The following AUTS2 variants were observed in gnomAD, a reference collection of about 807,000 sequenced individuals.
AUTS2 encodes the protein activator of transcription and developmental regulator AUTS2.
AUTS2 carries 17 observed loss-of-function variants against 112.4 expected under a neutral mutation model. The ratio of observed to expected loss-of-function variants is 0.15; its 90% CI spans 0.10 to 0.23. AUTS2 has a LOEUF of 0.23. Ranked by LOEUF, AUTS2 falls within the 10% of genes least tolerant of loss-of-function variation. The pLI is 1.00. For synonymous variants in AUTS2, 751 were observed against 702.7 expected (o/e 1.07, Z -1.09); for missense variants, 1,510 against 1,701.6 (o/e 0.89, Z 1.98).
chr7:69,661,363 C>T (rs1366369771), intron 1 of AUTS2, among the ~76,000 whole-genome samples: 1 of 152,188 alleles, frequency 6.6e-6, no homozygotes. Context: ...AAAGTTTGTC[C>T]TGTCCACAGT....
At chr7:70,319,926 A>G (rs1450692980) in intron 4 of AUTS2, among the ~76,000 whole-genome samples, 2 of 152,230 alleles carry the variant, frequency 1.3e-5, no homozygotes, top group African/African-American at 4.8e-5. Context: ...GTGAATGAAC[A>G]AAACAAAATT....
chr7:70,789,704 C>G lies in AUTS2; in HGVS notation c.2532-44C>G, dbSNP rs746576289. ...CAGCCCCTGGCCCGGCCGACTCGCC[C>G]CTTTCATTTCATCTGCGTCCTTGTC... On this transcript the variant is annotated intron_variant, in intron 18 of 18. Transcript: ENST00000342771. 2.5e-6 allele frequency: 4 copies of G among 1,583,266 alleles called. No individual in the cohort carries two copies. In the Admixed American group the frequency reaches 6.9e-5, roughly 27 times the overall value.
At chr7:70,715,351 A>G (rs755170945) in intron 6 of AUTS2, among the ~76,000 whole-genome samples, 1 of 152,174 alleles carries the variant, frequency 6.6e-6, no homozygotes, top group African/African-American at 2.4e-5. Context: ...TGCAAGAACA[A>G]CATCGTCAAA....
At chr7:69,622,641 C>T (rs570232772) in intron 1 of AUTS2, among the ~76,000 whole-genome samples, 1 of 152,236 alleles carries the variant, frequency 6.6e-6, no homozygotes, top group East Asian at 1.9e-4. Flanking sequence ...CCCATGTGGC[C>T]ACAGATAATT....
intron 4 of AUTS2, among the ~76,000 whole-genome samples, chr7:70,194,191 C>T (rs868827119): frequency 5.3e-5 from 8 of 152,076 alleles, no homozygotes; most frequent in African/African-American, 1.9e-4. Flanking sequence ...GGGTAGATCT[C>T]TTTAGGTCAG....
intron 4 of AUTS2, among the ~76,000 whole-genome samples, chr7:70,410,968 A>G (rs954365233): frequency 1.3e-5 from 2 of 151,574 alleles, no homozygotes; most frequent in African/African-American, 4.9e-5. Flanking sequence ...GGTTCAAGTG[A>G]TTTTCCTGCC....
At chr7:69,812,801 C>G (rs113333771) in intron 1 of AUTS2, among the ~76,000 whole-genome samples, 1 of 152,092 alleles carries the variant, frequency 6.6e-6, no homozygotes, top group Non-Finnish European at 1.5e-5. Context: ...TGACACTGAA[C>G]AGAACCCAGC....
chr7:70,768,078 A>G lies in AUTS2; in HGVS notation c.1734+10A>G, dbSNP rs1360949656. On this transcript the variant is annotated intron_variant, in intron 10 of 18. Coordinates refer to ENST00000342771, the MANE Select transcript of AUTS2 (RefSeq NM_015570.4). ...ATTCTACCGGCACAGTGTGAGTTTC[A>G]TTACCATGCTACACATTGAATGTAA... The G allele has an allele frequency of 1.9e-6, 3 of 1,601,446 alleles. No individual in the cohort carries two copies. The highest frequency in any genetic ancestry group is 2.7e-5 in the African/African-American group (2 of 74,166).
chr7:70,726,343 TAA>T (rs34064102), intron 6 of AUTS2, among the ~76,000 whole-genome samples: 72 of 148,388 alleles, frequency 4.9e-4, no homozygotes, highest in African/African-American at 1.7e-3. Context: ...TGGCATTTCT[TAA>T]AAAAAAAAAA....
chr7:70,093,461 C>T (rs1446126344), intron 2 of AUTS2, among the ~76,000 whole-genome samples: 1 of 152,214 alleles, frequency 6.6e-6, no homozygotes, highest in African/African-American at 2.4e-5. Context: ...GGATGATTCA[C>T]TTGTCTGACT....
At chr7:69,692,881 T>G (rs1447023192) in intron 1 of AUTS2, among the ~76,000 whole-genome samples, 1 of 152,220 alleles carries the variant, frequency 6.6e-6, no homozygotes, top group Non-Finnish European at 1.5e-5. Context: ...CTGAAACCCC[T>G]CTAGGTTCCA....
intron 1 of AUTS2, among the ~76,000 whole-genome samples, chr7:69,616,103 A>G (rs147726363): frequency 4.6e-4 from 70 of 152,310 alleles, no homozygotes; most frequent in African/African-American, 1.6e-3. Context: ...CCTCTATCAC[A>G]GTATTGCAGC....
At chr7:70,314,845 T>C (rs1263666243) in intron 4 of AUTS2, among the ~76,000 whole-genome samples, 2 of 152,244 alleles carry the variant, frequency 1.3e-5, no homozygotes, top group African/African-American at 4.8e-5. Flanking sequence ...CTCCATGGTT[T>C]TGTCACATCA....
chr7:70,136,035 G>A (rs1410757785), intron 4 of AUTS2, among the ~76,000 whole-genome samples: 1 of 151,926 alleles, frequency 6.6e-6, no homozygotes, highest in Non-Finnish European at 1.5e-5. Flanking sequence ...TTGTCAGTAG[G>A]ATCACCCTGA....
At chr7:69,953,366 G>A (rs1797098374) in intron 2 of AUTS2, among the ~76,000 whole-genome samples, 1 of 152,096 alleles carries the variant, frequency 6.6e-6, no homozygotes, top group Non-Finnish European at 1.5e-5. Context: ...TCTGAATTTA[G>A]TATGATTTTT....
intron 1 of AUTS2, among the ~76,000 whole-genome samples, chr7:69,866,248 CCTGGTGATTAAGT>C (rs1793226834): frequency 6.6e-6 from 1 of 152,174 alleles, no homozygotes; most frequent in Non-Finnish European, 1.5e-5. Context: ...ACCTCCCAGT[CCTGGTGATTAAGT>C]AGTTCCCTCC....
At chr7:69,713,414 C>T (rs977161378) in intron 1 of AUTS2, among the ~76,000 whole-genome samples, 1 of 151,924 alleles carries the variant, frequency 6.6e-6, no homozygotes, top group African/African-American at 2.4e-5. Context: ...TTATGTTCCC[C>T]TGCTTTCCCT....
intron 1 of AUTS2, among the ~76,000 whole-genome samples, chr7:69,623,381 A>ATTTT (rs56204810): frequency 0.08 from 5,729 of 71,676 alleles, 532 homozygotes; most frequent in South Asian, 0.12. Context: ...ACGCCCAGCA[A>ATTTT]TTTTTTTTTT....
chr7:70,067,669 G>T (rs1450817218), intron 2 of AUTS2, among the ~76,000 whole-genome samples: 3 of 152,082 alleles, frequency 2.0e-5, no homozygotes, highest in African/African-American at 7.2e-5. Context: ...AACATAGAGA[G>T]ATCCCATCTC....
Sources: allele counts gnomAD v4.1 joint callset (sites outside exome capture counted in the v4.1 genomes callset), GRCh38; gene constraint gnomAD v4.1.1; transcripts MANE v1.5; gene names NCBI Gene and HGNC (gene_info 2026-07-23, HGNC 2026-07-21).